ATP8A2: variants seen among roughly 807,000 people sequenced by gnomAD.
The protein encoded by ATP8A2 is ATPase phospholipid transporting 8A2.
In ATP8A2, 100 loss-of-function variants were observed where a neutral mutation model predicts 165.6. That is an observed-to-expected ratio of 0.60 (90% confidence interval 0.51 to 0.71). ATP8A2 has a LOEUF of 0.71. Among genes scored for constraint, ATP8A2 ranks in the 30% least tolerant of loss-of-function variants. The pLI is 0.00. For missense variants in ATP8A2, 1,227 were observed against 1,479.5 expected (o/e 0.83, Z 2.80); for synonymous variants, 543 against 548.8 (o/e 0.99, Z 0.15).
chr13:25,672,638 T>G (rs2042291719), intron 24 of ATP8A2, among the ~76,000 whole-genome samples: 1 of 152,206 alleles, frequency 6.6e-6, no homozygotes, highest in Admixed American at 6.5e-5. Context: ...TTCTCTAAAT[T>G]TATTCTGTCA....
At position 25,465,219 on chromosome 13, in the gene ATP8A2, A is replaced by G. The variant is rs183353526; in HGVS notation, c.77-3758A>G. The stretch of plus-strand genomic sequence containing the variant: ...TAGATGGTGTAATGTTTCCTTAGGC[A>G]ATATGTTTTCCACAAATTTTTTTTG... On this transcript the variant is annotated intron_variant, in intron 1 of 36. Transcript: ENST00000381655. Among the ~76,000 whole-genome samples the G allele has an allele frequency of 1.5e-4, 23 of 152,308 alleles. No homozygotes were observed. The East Asian group carries it at 3.9e-3, about 26-fold the overall frequency.
At chr13:25,729,192 C>G (rs183633991) in intron 25 of ATP8A2, among the ~76,000 whole-genome samples, 3 of 152,236 alleles carry the variant, frequency 2.0e-5, no homozygotes, top group Admixed American at 2.0e-4. Flanking sequence ...CTGTTAGTTC[C>G]CCTGTGCTCT....
chr13:25,567,709 C>T (rs947981009), intron 16 of ATP8A2, among the ~76,000 whole-genome samples: 1 of 152,140 alleles, frequency 6.6e-6, no homozygotes, highest in African/African-American at 2.4e-5. Flanking sequence ...TTCTTGGATC[C>T]TTGAGGCCTT....
intron 2 of ATP8A2, among the ~76,000 whole-genome samples, chr13:25,521,397 A>G (rs970681466): frequency 6.6e-5 from 10 of 151,858 alleles, no homozygotes; most frequent in African/African-American, 1.5e-4. Flanking sequence ...TTATTTGTCT[A>G]TTTTTGCTTT....
At chr13:25,715,474 C>T (rs2043237674) in intron 25 of ATP8A2, among the ~76,000 whole-genome samples, 1 of 152,152 alleles carries the variant, frequency 6.6e-6, no homozygotes, top group East Asian at 1.9e-4. Flanking sequence ...AAAAGAAACC[C>T]TGTACCAATT....
chr13:25,400,525 G>A (rs1051235279), intron 1 of ATP8A2, among the ~76,000 whole-genome samples: 2 of 152,158 alleles, frequency 1.3e-5, no homozygotes, highest in African/African-American at 4.8e-5. Flanking sequence ...ATCATTTCAA[G>A]TCCTCTCTAG....
chr13:25,768,074 C>CGG (rs759733827), intron 25 of ATP8A2, among the ~76,000 whole-genome samples: 1 of 6,764 alleles, frequency 1.5e-4, no homozygotes, highest in Non-Finnish European at 2.2e-4. Flanking sequence ...TGTGTGGTGG[C>CGG]GTGGGGGGGG....
At chr13:25,641,307 G>A (rs527577353) in intron 24 of ATP8A2, among the ~76,000 whole-genome samples, 4 of 152,284 alleles carry the variant, frequency 2.6e-5, no homozygotes, top group East Asian at 1.9e-4. Context: ...AAAAGAGGAA[G>A]TCAAATTGCC....
chr13:25,547,576 T>G (rs2138031563), intron 10 of ATP8A2, among the ~76,000 whole-genome samples: 1 of 151,996 alleles, frequency 6.6e-6, no homozygotes, highest in Non-Finnish European at 1.5e-5. Flanking sequence ...TTATGGTGAG[T>G]TGTATAATTA....
intron 24 of ATP8A2, among the ~76,000 whole-genome samples, chr13:25,678,434 A>G (rs999352268): frequency 6.6e-6 from 1 of 152,152 alleles, no homozygotes; most frequent in Non-Finnish European, 1.5e-5. Flanking sequence ...TGCTGAGTTG[A>G]TTGAATTACC....
chr13:25,451,475 G>A (rs2035223067), intron 1 of ATP8A2, among the ~76,000 whole-genome samples: 1 of 152,010 alleles, frequency 6.6e-6, no homozygotes, highest in African/African-American at 2.4e-5. Context: ...TTTTCCTGTT[G>A]TCTAGTTGTT....
At chr13:25,741,343 AAAATAGCTGAAACATACACTC>A (rs970248000) in intron 25 of ATP8A2, among the ~76,000 whole-genome samples, 2 of 152,128 alleles carry the variant, frequency 1.3e-5, no homozygotes, top group African/African-American at 4.8e-5. Context: ...AAGTGTCCCT[AAAATAGCTGAAACATACACTC>A]GAGCAACATT....
chr13:25,837,180 G>A lies in ATP8A2; in HGVS notation c.2772G>A (p.Pro924=), dbSNP rs1054560522. ...CCCTGCAGATTTTCACCGCTTTGCC[G>A]CCCTTCACTCTGGGAATCTTTGAGA... The part of the protein sequence containing the change: ...GLYNVIFTAL[P]PFTLGIFERS... Residue 924 remains proline (P), a synonymous_variant, in exon 29 of 37, where the codon CCG becomes CCA. Transcript: ENST00000381655. The A allele has an allele frequency of 8.1e-6, 13 of 1,613,646 alleles. No homozygotes were observed. The highest frequency in any genetic ancestry group is 1.7e-5 in the Admixed American group (1 of 59,968).
At chr13:25,672,578 A>G (rs911386512) in intron 24 of ATP8A2, among the ~76,000 whole-genome samples, 1 of 152,168 alleles carries the variant, frequency 6.6e-6, no homozygotes, top group Non-Finnish European at 1.5e-5. Context: ...AGGACATTTA[A>G]TATTTCTCAA....
At chr13:25,582,378 C>T (rs186721285) in intron 23 of ATP8A2, among the ~76,000 whole-genome samples, 9 of 152,296 alleles carry the variant, frequency 5.9e-5, no homozygotes, top group Admixed American at 5.9e-4. Context: ...CCCTTCCCAG[C>T]TTGTTGACAA....
chr13:25,760,649 A>G (rs887964914), intron 25 of ATP8A2, among the ~76,000 whole-genome samples: 3 of 152,188 alleles, frequency 2.0e-5, no homozygotes, highest in Admixed American at 1.3e-4. Context: ...TAAACTTCCT[A>G]TCATTATTAA....
At chr13:25,887,571 C>T (rs549150274) in intron 33 of ATP8A2, among the ~76,000 whole-genome samples, 22 of 152,262 alleles carry the variant, frequency 1.4e-4, no homozygotes, top group African/African-American at 4.8e-4. Context: ...CTCCTGACTT[C>T]GTGATCTTCC....
intron 1 of ATP8A2, among the ~76,000 whole-genome samples, chr13:25,439,927 G>T (rs2034885850): frequency 6.6e-6 from 1 of 151,814 alleles, no homozygotes; most frequent in Non-Finnish European, 1.5e-5. Context: ...AAAATTAAAA[G>T]TTAACCAAAA....
At chr13:25,864,248 G>A (rs1480897353) in intron 33 of ATP8A2, among the ~76,000 whole-genome samples, 1 of 151,278 alleles carries the variant, frequency 6.6e-6, no homozygotes, top group Non-Finnish European at 1.5e-5. Context: ...ACAGCTGACA[G>A]GACGGGGTCG....
Sources: gnomAD v4.1 joint callset for allele counts (sites outside exome capture counted in the v4.1 genomes callset) on GRCh38, gnomAD v4.1.1 for gene constraint, MANE v1.5 for transcripts, NCBI Gene and HGNC (gene_info 2026-07-23, HGNC 2026-07-21) for gene names.